Variants in LINGO2 observed in about 807,000 individuals in gnomAD.
LINGO2 encodes the protein leucine-rich repeat and immunoglobulin-like domain-containing nogo receptor-interacting protein 2.
A neutral mutation model predicts 30.6 loss-of-function variants in LINGO2; 14 were observed. The ratio of observed to expected loss-of-function variants is 0.46; its 90% confidence interval spans 0.30 to 0.72. The LOEUF (loss-of-function observed/expected upper bound fraction) is 0.72, where lower values mean the gene tolerates loss of function less well. Ranked by LOEUF, LINGO2 falls within the 30% of genes least tolerant of loss-of-function variation. The pLI, the probability that LINGO2 is intolerant of heterozygous loss-of-function variation, is 0.07. For synonymous variants in LINGO2, 317 were observed against 288.5 expected, an observed-to-expected ratio of 1.10 and a Z score of -1.00; for missense variants, 729 against 751.7, an observed-to-expected ratio of 0.97 and a Z score of 0.35.
intron 4 of LINGO2, among the ~76,000 whole-genome samples, chr9:28,039,234 G>A (rs899807673): frequency 6.6e-5 from 10 of 152,108 alleles, no homozygotes; most frequent in African/African-American, 1.7e-4. Context: ...TTTCCCAGAG[G>A]AATAAGGCTG....
intron 4 of LINGO2, among the ~76,000 whole-genome samples, chr9:28,136,948 G>A (rs894501373): frequency 3.9e-5 from 6 of 152,166 alleles, no homozygotes; most frequent in Non-Finnish European, 7.4e-5. Context: ...AGATTTTTCC[G>A]CCTAATGGTT....
chr9:28,850,266 A>G, the LINGO2 span, among the ~76,000 whole-genome samples: 2 of 152,184 alleles, frequency 1.3e-5, no homozygotes, highest in South Asian at 2.1e-4. Context: ...ACTATGAATG[A>G]TAATAATTTA....
At chr9:29,165,533 C>G in the LINGO2 span, among the ~76,000 whole-genome samples, 4 of 152,000 alleles carry the variant, frequency 2.6e-5, no homozygotes, top group Non-Finnish European at 5.9e-5. Flanking sequence ...ATATTGTCTC[C>G]TGAGCCTAGG....
intron 2 of LINGO2, among the ~76,000 whole-genome samples, chr9:28,393,627 G>C (rs1017733213): frequency 3.9e-5 from 6 of 152,184 alleles, no homozygotes; most frequent in Non-Finnish European, 4.4e-5. Flanking sequence ...ACAAGAGGTA[G>C]ATAAATAGCG....
chr9:28,525,421 A>G (rs921939899), intron 1 of LINGO2, among the ~76,000 whole-genome samples: 1 of 152,160 alleles, frequency 6.6e-6, no homozygotes, highest in Admixed American at 6.6e-5. Flanking sequence ...ATTCTCATCA[A>G]TTGTTTAATG....
the LINGO2 span, among the ~76,000 whole-genome samples, chr9:28,985,294 A>T: frequency 3.9e-5 from 6 of 152,086 alleles, no homozygotes; most frequent in African/African-American, 1.4e-4. Flanking sequence ...GGTTGATTCC[A>T]TATCTTGGCT....
intron 4 of LINGO2, among the ~76,000 whole-genome samples, chr9:28,066,598 T>C (rs1311305144): frequency 7.2e-5 from 11 of 152,068 alleles, no homozygotes; most frequent in Admixed American, 7.2e-4. Flanking sequence ...CTGGGTTTAG[T>C]CTTCCATTAC....
At chr9:28,144,412 A>G (rs943064559) in intron 4 of LINGO2, among the ~76,000 whole-genome samples, 2 of 152,194 alleles carry the variant, frequency 1.3e-5, no homozygotes, top group Non-Finnish European at 2.9e-5. Flanking sequence ...TTAAAGAGAA[A>G]GGCCTGTGAA....
Position 28,062,582 on chromosome 9 carries a change from AATAT to A in LINGO2, c.-86-50181_-86-50178del, listed in dbSNP as rs374855446. On this transcript the variant is annotated intron_variant, in intron 4 of 5. Transcript: ENST00000379992. ...CATATATAGTATATATACACAATCA[AATAT>A]ATATATTTTGTATATATACAAAATC... Among the ~76,000 whole-genome samples, 339 of 143,098 alleles carry A rather than the reference AATAT, an allele frequency of 2.4e-3. 11 individuals carry two copies. The South Asian group carries it at 0.03, about 13-fold the overall frequency. The allele number at this position is 143,098 out of a possible 152,430, so 93.9% of individuals were successfully genotyped here.
At chr9:28,361,942 T>C (rs1008825936) in intron 3 of LINGO2, among the ~76,000 whole-genome samples, 11 of 152,314 alleles carry the variant, frequency 7.2e-5, no homozygotes, top group Admixed American at 6.5e-4. Context: ...TGTTTCTGCT[T>C]TGAAAGCCAG....
chr9:29,160,617 C>G, the LINGO2 span, among the ~76,000 whole-genome samples: 1 of 151,986 alleles, frequency 6.6e-6, no homozygotes, highest in Non-Finnish European at 1.5e-5. Flanking sequence ...GAGAATGTTA[C>G]GATTGCAGAA....
At chr9:28,015,589 A>G (rs1822789146) in intron 4 of LINGO2, among the ~76,000 whole-genome samples, 2 of 152,190 alleles carry the variant, frequency 1.3e-5, no homozygotes. Flanking sequence ...CAATTTTCAA[A>G]GCAATTATTA....
intron 3 of LINGO2, among the ~76,000 whole-genome samples, chr9:28,315,101 T>G (rs754859822): frequency 8.0e-5 from 12 of 150,896 alleles, no homozygotes; most frequent in Non-Finnish European, 1.5e-4. Context: ...CAAACGATCA[T>G]TGGTAACACA....
At chr9:28,859,915 A>G in the LINGO2 span, among the ~76,000 whole-genome samples, 1 of 152,024 alleles carries the variant, frequency 6.6e-6, no homozygotes, top group African/African-American at 2.4e-5. Flanking sequence ...TTATTTAAAA[A>G]TATTTAAACT....
At chr9:28,072,055 T>C (rs546734062) in intron 4 of LINGO2, among the ~76,000 whole-genome samples, 1 of 152,268 alleles carries the variant, frequency 6.6e-6, no homozygotes, top group East Asian at 1.9e-4. Flanking sequence ...TCCTTCTACA[T>C]ATCAGTATTT....
At chr9:28,353,897 G>A (rs565311162) in intron 3 of LINGO2, among the ~76,000 whole-genome samples, 5 of 151,950 alleles carry the variant, frequency 3.3e-5, no homozygotes, top group African/African-American at 4.8e-5. Context: ...GTAAACTATC[G>A]CAAGAACAAA....
the LINGO2 span, chr9:28,863,558 G>A: frequency 4.0e-6 from 2 of 496,272 alleles, no homozygotes; most frequent in Non-Finnish European, 8.4e-6. Context: ...ATACAAAGTG[G>A]CTTGTTCTCA....
intron 4 of LINGO2, among the ~76,000 whole-genome samples, chr9:28,057,333 T>C (rs903959605): frequency 6.6e-6 from 1 of 151,864 alleles, no homozygotes; most frequent in Admixed American, 6.6e-5. Flanking sequence ...ATAATGTGTA[T>C]TGTAAATCTA....
intron 5 of LINGO2, among the ~76,000 whole-genome samples, chr9:27,966,774 T>C (rs1043468682): frequency 5.3e-5 from 8 of 152,054 alleles, no homozygotes; most frequent in Non-Finnish European, 1.5e-5. Context: ...GCCTCAACTT[T>C]GGGTCAAAGA....
Sources: gnomAD v4.1 joint callset for allele counts (sites outside exome capture counted in the v4.1 genomes callset) on GRCh38, gnomAD v4.1.1 for gene constraint, MANE v1.5 for transcripts, NCBI Gene and HGNC (gene_info 2026-07-23, HGNC 2026-07-21) for gene names.